SENP5: variants seen among roughly 807,000 people sequenced by gnomAD.
The protein encoded by SENP5 is sentrin-specific protease 5.
SENP5 carries 21 observed loss-of-function variants against 74.2 expected under a neutral mutation model. That is an observed-to-expected ratio of 0.28 (90% CI 0.20 to 0.41). The LOEUF (loss-of-function observed/expected upper bound fraction) is 0.41. Ranked by LOEUF, SENP5 falls within the 10% of genes least tolerant of loss-of-function variation. The pLI is 1.00. For synonymous variants in SENP5, 311 were observed against 312.7 expected (o/e 0.99, Z 0.06); for missense variants, 717 against 889.1 (o/e 0.81, Z 2.46).
intron 1 of SENP5, among the ~76,000 whole-genome samples, chr3:196,877,039 G>C (rs994110978): frequency 3.3e-5 from 5 of 152,022 alleles, no homozygotes; most frequent in African/African-American, 1.2e-4. Context: ...TTTGCTTTTG[G>C]CTGGGCATGG....
At chr3:196,907,566 A>C (rs1714955356) in intron 6 of SENP5, among the ~76,000 whole-genome samples, 1 of 152,174 alleles carries the variant, frequency 6.6e-6, no homozygotes, top group Admixed American at 6.6e-5. Context: ...TGAATGATAA[A>C]CATGAGAGTG....
intron 6 of SENP5, among the ~76,000 whole-genome samples, chr3:196,916,399 C>T (rs1217854908): frequency 6.6e-6 from 1 of 152,040 alleles, no homozygotes; most frequent in Non-Finnish European, 1.5e-5. Flanking sequence ...TGACCAATCT[C>T]ATAGTGACAG....
chr3:196,885,170 T>C lies in SENP5; in HGVS notation c.-12T>C. On this transcript the variant is annotated 5_prime_UTR_variant, in exon 2 of 10. The change abolishes an upstream ATG in the 5' untranslated region. Transcript: ENST00000323460. ...TTACAGCTGCATCCAGATCTCATTATGCATCAGAAAAATGAAAAAACAGAG... is the reference window on the plus strand; with the variant it reads ...TTACAGCTGCATCCAGATCTCATTACGCATCAGAAAAATGAAAAAACAGAG... 1.2e-6 allele frequency: 2 copies of C among 1,600,198 alleles called. No homozygotes were observed. Among genetic ancestry groups the C allele is most frequent in the Non-Finnish European group, 8.5e-7 (1 of 1,171,516 alleles).
chr3:196,918,864 G>A (rs1715495899), intron 6 of SENP5, among the ~76,000 whole-genome samples: 1 of 152,032 alleles, frequency 6.6e-6, no homozygotes, highest in African/African-American at 2.4e-5. Context: ...AGAGAGCAGA[G>A]TAGCTATACT....
At chr3:196,875,199 G>A (rs1270990105) in intron 1 of SENP5, among the ~76,000 whole-genome samples, 6 of 152,164 alleles carry the variant, frequency 3.9e-5, no homozygotes, top group African/African-American at 1.4e-4. Flanking sequence ...AGCTGATACT[G>A]GAACATTTAC....
intron 1 of SENP5, among the ~76,000 whole-genome samples, chr3:196,869,806 A>T: frequency 7.3e-6 from 1 of 136,572 alleles, no homozygotes; most frequent in South Asian, 2.6e-4. Flanking sequence ...TACAGGAGTG[A>T]GTCACTGCGC....
At chr3:196,901,022 G>A (rs890996390) in intron 5 of SENP5, among the ~76,000 whole-genome samples, 1 of 150,762 alleles carries the variant, frequency 6.6e-6, no homozygotes, top group African/African-American at 2.4e-5. Flanking sequence ...GACTGGCTAA[G>A]CTTTTTACAT....
chr3:196,933,917 TGAG>T lies in SENP5; in HGVS notation c.*2996_*2998del, dbSNP rs1309246929. The T allele has an allele frequency of 3.9e-5, 6 of 152,206 alleles. No individual in the cohort carries two copies. The highest frequency in any genetic ancestry group is 1.2e-4 in the African/African-American group (5 of 41,444). The allele number at this position is 152,206 out of a possible 1,614,324, so 9.4% of individuals were successfully genotyped here. A position where few individuals can be genotyped will look rare whatever the true frequency, so the allele number is the denominator to read the frequency against. ...GTGCCTGGCCTAAACCTTACGCTTT[TGAG>T]GTTGAGTGCAGGCCTTGTGATAACT... On this transcript the variant is annotated 3_prime_UTR_variant, in exon 10 of 10. Coordinates refer to ENST00000323460, the MANE Select transcript of SENP5 (RefSeq NM_152699.5).
At chr3:196,907,953 AAAAG>A (rs1369065738) in intron 6 of SENP5, among the ~76,000 whole-genome samples, 5 of 152,082 alleles carry the variant, frequency 3.3e-5, no homozygotes, top group African/African-American at 7.2e-5. Flanking sequence ...AATAATATGA[AAAAG>A]AAAGGTTGAA....
intron 1 of SENP5, among the ~76,000 whole-genome samples, chr3:196,882,119 G>A (rs913562454): frequency 6.6e-6 from 1 of 151,798 alleles, no homozygotes; most frequent in African/African-American, 2.4e-5. Flanking sequence ...GGTTGGTCTC[G>A]AACTCCTGAC....
chr3:196,893,157 A>G (rs1437953090), intron 2 of SENP5, among the ~76,000 whole-genome samples: 1 of 152,216 alleles, frequency 6.6e-6, no homozygotes, highest in Non-Finnish European at 1.5e-5. Context: ...TCCCACCAAC[A>G]GTGTACAGGG....
At position 196,885,405 on chromosome 3, in the gene SENP5, C is replaced by G; in HGVS notation, c.224C>G (p.Pro75Arg). 1 of 1,614,072 alleles carries G rather than the reference C, an allele frequency of 6.2e-7. No individual in the cohort carries two copies. Among genetic ancestry groups the G allele is most frequent in the Non-Finnish European group, 8.5e-7 (1 of 1,180,008 alleles). ...QIQKTWIKDE[P>R]LCAKTKFNVA... Reference sequence around the variant, plus strand: ...CAGAAAACGTGGATCAAGGATGAACCCCTTTGTGCTAAGACCAAGTTCAAT... The same window carrying G: ...CAGAAAACGTGGATCAAGGATGAACGCCTTTGTGCTAAGACCAAGTTCAAT... The change falls in exon 2 of 10, where the codon CCC becomes CGC. Residue 75 changes from proline (P) to arginine (R), a missense_variant. Physicochemically the swap from Pro to Arg is moderately radical, Grantham distance 103 (BLOSUM62 -2). This residue lies in a region of SENP5 where 567 missense variants were observed against 577.4 expected (regional missense o/e 0.98). Transcript: ENST00000323460.
At chr3:196,887,350 T>C (rs907740339) in intron 2 of SENP5, among the ~76,000 whole-genome samples, 6 of 152,078 alleles carry the variant, frequency 3.9e-5, no homozygotes, top group Non-Finnish European at 8.8e-5. Context: ...TGGCTAATTT[T>C]TGTATTTTTA....
At chr3:196,919,053 T>G (rs1423558691) in intron 6 of SENP5, among the ~76,000 whole-genome samples, 3 of 152,104 alleles carry the variant, frequency 2.0e-5, no homozygotes, top group African/African-American at 7.2e-5. Context: ...AAATATTATC[T>G]GAGCTAAAGA....
intron 6 of SENP5, among the ~76,000 whole-genome samples, chr3:196,917,121 G>A (rs942603575): frequency 2.6e-5 from 4 of 151,946 alleles, no homozygotes; most frequent in Admixed American, 2.6e-4. Context: ...GCAACAGAGC[G>A]AACTCTGTCT....
intron 2 of SENP5, among the ~76,000 whole-genome samples, chr3:196,889,939 A>G (rs1380385188): frequency 6.6e-6 from 1 of 152,230 alleles, no homozygotes; most frequent in African/African-American, 2.4e-5. Flanking sequence ...GCCACATGTC[A>G]GCAAAGAACA....
At chr3:196,886,919 G>T (rs770276673) in intron 2 of SENP5, among the ~76,000 whole-genome samples, 1 of 152,088 alleles carries the variant, frequency 6.6e-6, no homozygotes, top group Non-Finnish European at 1.5e-5. Context: ...ATAGTGCGAT[G>T]AAATTATGTC....
chr3:196,889,028 A>G (rs749234609), intron 2 of SENP5, among the ~76,000 whole-genome samples: 9 of 152,088 alleles, frequency 5.9e-5, no homozygotes, highest in Non-Finnish European at 1.0e-4. Flanking sequence ...AGACAGGAGA[A>G]TGGTGTGAAC....
chr3:196,868,885 T>TTTTTTTTGTTTGTTTG (rs965614966), intron 1 of SENP5, among the ~76,000 whole-genome samples: 36 of 151,828 alleles, frequency 2.4e-4, no homozygotes, highest in African/African-American at 8.5e-4. Context: ...TACTTATGTT[T>TTTTTTTTGTTTGTTTG]TTTTTTTGCA....
Sources: gnomAD v4.1 joint callset for allele counts (sites outside exome capture counted in the v4.1 genomes callset) on GRCh38, gnomAD v4.1.1 for gene constraint, gnomAD v4.1.1 regional missense constraint, MANE v1.5 for transcripts, NCBI Gene and HGNC (gene_info 2026-07-23, HGNC 2026-07-21) for gene names.